RETREG1: variants seen among roughly 807,000 people sequenced by gnomAD.
The protein encoded by RETREG1 is family with sequence similarity 134 member B.
RETREG1 carries 44 observed loss-of-function variants against 54.8 expected under a neutral mutation model. The observed-to-expected ratio is 0.80, with a 90% CI of 0.63 to 1.03. The LOEUF (loss-of-function observed/expected upper bound fraction) is 1.03. Among genes scored for constraint, RETREG1 ranks in the 50% least tolerant of loss-of-function variants. The pLI, the probability that RETREG1 is intolerant of heterozygous loss-of-function variation, is 0.00. For synonymous variants in RETREG1, 217 were observed against 238.5 expected (o/e 0.91, Z 0.83); for missense variants, 554 against 605.1 (o/e 0.92, Z 0.89).
chr5:16,509,695 A>C (rs1010412946), intron 3 of RETREG1, among the ~76,000 whole-genome samples: 2 of 152,158 alleles, frequency 1.3e-5, no homozygotes, highest in Non-Finnish European at 1.5e-5. Flanking sequence ...TTAAGAAACA[A>C]TATTATTTTC....
intron 1 of RETREG1, among the ~76,000 whole-genome samples, chr5:16,583,947 A>G (rs1020337749): frequency 1.1e-4 from 16 of 152,354 alleles, no homozygotes; most frequent in African/African-American, 3.6e-4. Flanking sequence ...ACTGAAATAT[A>G]CATAACTGCA....
chr5:16,521,279 C>G (rs1269162392), intron 3 of RETREG1, among the ~76,000 whole-genome samples: 1 of 152,186 alleles, frequency 6.6e-6, no homozygotes, highest in Admixed American at 6.5e-5. Context: ...CTCAGAACTT[C>G]TCTAAAACCC....
At position 16,483,461 on chromosome 5, in the gene RETREG1, A is replaced by G. The variant is rs1738894235; in HGVS notation, c.470T>C (p.Ile157Thr). 1 of 1,613,076 alleles carries G rather than the reference A, an allele frequency of 6.2e-7. No homozygotes were observed. The stretch of plus-strand genomic sequence containing the variant: ...GGGTCTTTCATCTGGTTTGGAATTG[A>G]TAACTTCCCAGCTAAAGAGACAAAA... ...WRSLSESWEV[I>T]NSKPDERPRL... Residue 157 changes from isoleucine (I) to threonine (T), a missense_variant, in exon 4 of 9, where the codon ATC (isoleucine) becomes ACC (threonine). Ile to Thr is a moderately conservative substitution (Grantham distance 89). Transcript: ENST00000306320.
At chr5:16,614,403 G>T (rs1192028287) in intron 1 of RETREG1, among the ~76,000 whole-genome samples, 1 of 152,198 alleles carries the variant, frequency 6.6e-6, no homozygotes, top group Non-Finnish European at 1.5e-5. Context: ...GGTAAATGTG[G>T]TAGTTCTTAA....
chr5:16,572,969 G>A (rs541257232), intron 1 of RETREG1, among the ~76,000 whole-genome samples: 5 of 152,058 alleles, frequency 3.3e-5, no homozygotes, highest in Admixed American at 3.3e-4. Flanking sequence ...CGGATCACAA[G>A]GTCAAGAGAT....
intron 3 of RETREG1, among the ~76,000 whole-genome samples, chr5:16,558,055 C>T (rs1741760139): frequency 6.6e-6 from 1 of 151,114 alleles, no homozygotes; most frequent in Admixed American, 6.6e-5. Context: ...AAAGAAAAAA[C>T]AAAAATTTTA....
intron 3 of RETREG1, among the ~76,000 whole-genome samples, chr5:16,539,420 G>C (rs1230269632): frequency 6.6e-6 from 1 of 152,152 alleles, no homozygotes; most frequent in East Asian, 1.9e-4. Flanking sequence ...GCTGTCACCA[G>C]AGGGACGTGT....
At chr5:16,492,058 G>A (rs935460480) in intron 3 of RETREG1, among the ~76,000 whole-genome samples, 1 of 152,138 alleles carries the variant, frequency 6.6e-6, no homozygotes, top group Non-Finnish European at 1.5e-5. Flanking sequence ...TGTGATACCA[G>A]TAGAGAACAG....
intron 3 of RETREG1, among the ~76,000 whole-genome samples, chr5:16,551,774 A>G (rs1171684444): frequency 2.0e-5 from 3 of 152,128 alleles, no homozygotes; most frequent in Non-Finnish European, 4.4e-5. Flanking sequence ...GAACACCACA[A>G]AAATCCATCA....
At chr5:16,564,485 A>G (rs1741954339) in intron 3 of RETREG1, among the ~76,000 whole-genome samples, 1 of 152,208 alleles carries the variant, frequency 6.6e-6, no homozygotes, top group Admixed American at 6.5e-5. Flanking sequence ...CTGTTTCCCT[A>G]TCTCAAAAGA....
intron 3 of RETREG1, among the ~76,000 whole-genome samples, chr5:16,539,595 C>T (rs2126604811): frequency 6.6e-6 from 1 of 152,318 alleles, no homozygotes; most frequent in Non-Finnish European, 1.5e-5. Flanking sequence ...CCTGCACAAG[C>T]TGTCCCATGC....
chr5:16,575,081 C>A (rs1285217732), intron 1 of RETREG1, among the ~76,000 whole-genome samples: 1 of 152,182 alleles, frequency 6.6e-6, no homozygotes, highest in Middle Eastern at 3.2e-3. Context: ...GTTTTCCCGA[C>A]CTCACGTTGA....
At chr5:16,590,911 A>AC (rs1400128537) in intron 1 of RETREG1, among the ~76,000 whole-genome samples, 1 of 129,670 alleles carries the variant, frequency 7.7e-6, no homozygotes, top group Admixed American at 7.9e-5. Flanking sequence ...ACAAACACAA[A>AC]AAAACACACA....
chr5:16,494,539 G>A (rs1356800212), intron 3 of RETREG1, among the ~76,000 whole-genome samples: 4 of 152,192 alleles, frequency 2.6e-5, no homozygotes, highest in South Asian at 2.1e-4. Context: ...GTGTGGCACC[G>A]CCCCCCTGCT....
chr5:16,559,783 A>G (rs1020012416), intron 3 of RETREG1, among the ~76,000 whole-genome samples: 13 of 152,252 alleles, frequency 8.5e-5, no homozygotes, highest in Admixed American at 6.5e-4. Context: ...TCACATGCAT[A>G]CTTTCTCATT....
intron 1 of RETREG1, among the ~76,000 whole-genome samples, chr5:16,576,600 C>T (rs942426838): frequency 3.9e-5 from 6 of 152,202 alleles, no homozygotes; most frequent in African/African-American, 1.2e-4. Context: ...ATTCCCCTGC[C>T]TCAGCCTCCC....
chr5:16,599,703 T>A (rs1314785231), intron 1 of RETREG1, among the ~76,000 whole-genome samples: 1 of 152,224 alleles, frequency 6.6e-6, no homozygotes, highest in Non-Finnish European at 1.5e-5. Context: ...AGGCCAGCCC[T>A]GTGGTCAGGC....
chr5:16,594,620 G>GA lies in RETREG1; in HGVS notation c.320+22031dup, dbSNP rs1742851101. On this transcript the variant is annotated intron_variant, in intron 1 of 8. Transcript: ENST00000306320. The surrounding 1 kb of genome is among the most constrained non-coding windows in gnomAD (Gnocchi z 4.4). ...CATGTCTGTAGTCCCAGATACTCGG[G>GA]AGGCTGAGGCAGGAAAATCGCTTGA... 6.6e-6 allele frequency among the ~76,000 whole-genome samples: 1 copy of GA among 152,134 alleles called. No individual in the cohort carries two copies. The highest frequency in any genetic ancestry group is 1.5e-5 in the Non-Finnish European group (1 of 68,018).
intron 3 of RETREG1, among the ~76,000 whole-genome samples, chr5:16,495,206 A>G (rs1431631237): frequency 6.6e-6 from 1 of 152,196 alleles, no homozygotes; most frequent in East Asian, 1.9e-4. Flanking sequence ...ATGATGTGAA[A>G]CTTGAACTTA....
Sources: gnomAD v4.1 joint callset for allele counts (sites outside exome capture counted in the v4.1 genomes callset) on GRCh38, gnomAD v4.1.1 for gene constraint, Gnocchi (gnomAD v3.1) non-coding constraint, MANE v1.5 for transcripts, NCBI Gene and HGNC (gene_info 2026-07-23, HGNC 2026-07-21) for gene names.